Variants in TSPAN14 observed in about 807,000 individuals in gnomAD.
TSPAN14 encodes tetraspanin-14.
Under a neutral mutation model 36.6 loss-of-function variants are expected in TSPAN14, and 16 were observed. That is an observed-to-expected ratio of 0.44 (90% CI 0.30 to 0.66). The LOEUF is 0.66. TSPAN14 is among the 30% of genes least tolerant of loss of function. The probability of loss-of-function intolerance (pLI) is 0.12; values close to 1 mark genes in which losing one functional copy is unlikely to be tolerated. For missense variants in TSPAN14, 231 were observed against 355.1 expected (o/e 0.65, Z 2.81); for synonymous variants, 139 against 143.8 (o/e 0.97, Z 0.24).
chr10:80,518,557 G>A (rs968010720), exon 9 of TSPAN14: 10 of 157,052 alleles, frequency 6.4e-5, no homozygotes, highest in Admixed American at 4.2e-4. Context: ...CCTCAGCCAT[G>A]TTCAAGTGAA....
At chr10:80,467,823 G>T (rs569348337) in intron 1 of TSPAN14, among the ~76,000 whole-genome samples, 1 of 152,158 alleles carries the variant, frequency 6.6e-6, no homozygotes, top group African/African-American at 2.4e-5. Context: ...TCACTGATGA[G>T]TAGTCTTACC....
intron 1 of TSPAN14, among the ~76,000 whole-genome samples, chr10:80,484,417 C>T (rs1054308768): frequency 6.6e-6 from 1 of 152,006 alleles, no homozygotes; most frequent in Non-Finnish European, 1.5e-5. Flanking sequence ...CTGGACCTCC[C>T]AGGCTCAAGC....
At chr10:80,482,874 T>TA (rs1270361044) in intron 1 of TSPAN14, among the ~76,000 whole-genome samples, 2 of 151,796 alleles carry the variant, frequency 1.3e-5, no homozygotes, top group African/African-American at 4.8e-5. Flanking sequence ...TAGCTGGTAT[T>TA]ACAGGCGTGA....
exon 6 of TSPAN14, chr10:80,512,174 G>A (rs1208522374): frequency 6.2e-7 from 1 of 1,614,106 alleles, no homozygotes; most frequent in Non-Finnish European, 8.5e-7. Flanking sequence ...TGGCCCTGAA[G>A]ACTGGGACCT....
At chr10:80,483,223 G>C (rs2131999195) in intron 1 of TSPAN14, among the ~76,000 whole-genome samples, 1 of 152,214 alleles carries the variant, frequency 6.6e-6, no homozygotes, top group East Asian at 1.9e-4. Flanking sequence ...TCCCAGCAGG[G>C]GCACCTCCAA....
intron 1 of TSPAN14, among the ~76,000 whole-genome samples, chr10:80,461,559 G>A: frequency 6.6e-6 from 1 of 152,184 alleles, no homozygotes; most frequent in East Asian, 1.9e-4. Context: ...GGGGTGCTAA[G>A]TGTGTGAGCA....
At chr10:80,460,934 TGA>T (rs1845933941) in intron 1 of TSPAN14, among the ~76,000 whole-genome samples, 1 of 152,204 alleles carries the variant, frequency 6.6e-6, no homozygotes, top group Non-Finnish European at 1.5e-5. Flanking sequence ...CCCATTTGTC[TGA>T]GCTGGGCAGA....
chr10:80,489,396 C>G, intron 2 of TSPAN14, 82 bp downstream of exon 2: 1 of 1,010,110 alleles, frequency 9.9e-7, no homozygotes, highest in Non-Finnish European at 1.5e-6. Flanking sequence ...CTTGATTTGC[C>G]AGACACTATG....
chr10:80,499,395 GGCCCTGCT>G (rs1245625261), intron 2 of TSPAN14, among the ~76,000 whole-genome samples: 1 of 152,194 alleles, frequency 6.6e-6, no homozygotes, highest in Non-Finnish European at 1.5e-5. Flanking sequence ...CCCACAAAGA[GGCCCTGCT>G]GCCTTGTCCA....
chr10:80,479,848 A>G (rs1463755233), intron 1 of TSPAN14, among the ~76,000 whole-genome samples: 2 of 150,480 alleles, frequency 1.3e-5, no homozygotes, highest in Non-Finnish European at 2.9e-5. Flanking sequence ...TGGTAGCTTG[A>G]TGGGGATGGC....
chr10:80,466,553 A>C (rs569871159), intron 1 of TSPAN14: 1 of 152,300 alleles, frequency 6.6e-6, no homozygotes, highest in Non-Finnish European at 1.5e-5. Context: ...GAGCCACAGC[A>C]CCCAGCCCTC....
chr10:80,481,562 T>C (rs746678739), intron 1 of TSPAN14, among the ~76,000 whole-genome samples: 44 of 152,248 alleles, frequency 2.9e-4, no homozygotes, highest in Middle Eastern at 6.8e-3. Flanking sequence ...AGGACAAGCA[T>C]GAGGGGTGGC....
At chr10:80,479,048 G>A (rs1847088409) in intron 1 of TSPAN14, among the ~76,000 whole-genome samples, 1 of 152,146 alleles carries the variant, frequency 6.6e-6, no homozygotes, top group African/African-American at 2.4e-5. Context: ...GCCAGTGATG[G>A]TGAGCATTTT....
Position 80,488,025 on chromosome 10 carries a change from G to A in TSPAN14, c.-17-1192G>A, listed in dbSNP as rs148233620. ...AAGGGGTTTTGCAAGTAGCCACTCC[G>A]TGGAAGCTGGTTTCTCACTGGCGGA... On this transcript the variant is annotated intron_variant, in intron 1 of 8. Coordinates refer to ENST00000429989, the Ensembl canonical transcript of TSPAN14. 7.4e-3 allele frequency among the ~76,000 whole-genome samples: 1,130 copies of A among 152,334 alleles called. 3 individuals carry two copies. Among genetic ancestry groups the A allele is most frequent in the Non-Finnish European group, 0.01 (712 of 68,042 alleles).
intron 8 of TSPAN14, 140 bp from the exon 9 acceptor site, chr10:80,517,765 G>A (rs1374881609): frequency 1.4e-5 from 11 of 784,564 alleles, no homozygotes; most frequent in Non-Finnish European, 2.4e-5. Flanking sequence ...CTCGCTCTGC[G>A]GTGCTGTCTC....
rs1010145514 is a variant in TSPAN14 at position 80,508,406 on chromosome 10, C to T, written c.280-895C>T. Among the ~76,000 whole-genome samples, 7 of 152,310 alleles carry T rather than the reference C, an allele frequency of 4.6e-5. No individual in the cohort carries two copies. The East Asian group carries it at 1.4e-3, about 29-fold the overall frequency. ...GTGCTGGGATTACAGGCGTGAACCA[C>T]CGCGCCCGGCCGTGTGTATGCTTTT... On this transcript the variant is annotated intron_variant, in intron 4 of 8. Coordinates refer to ENST00000429989, the Ensembl canonical transcript of TSPAN14.
At chr10:80,516,654 A>G (rs1371652496) in intron 8 of TSPAN14, among the ~76,000 whole-genome samples, 1 of 152,174 alleles carries the variant, frequency 6.6e-6, no homozygotes, top group Non-Finnish European at 1.5e-5. Flanking sequence ...ATCTGGAGGT[A>G]GGTCAGGAGT....
rs1038374620 is a variant in TSPAN14, at chr10:80,497,863, T to G, written c.82-6865T>G. Reference sequence around the variant, plus strand: ...GGCTCTGCTGGGAGGGCACATGTGTTGCCTTTTCTCAGAACCACCCTTCCG... The same window carrying G: ...GGCTCTGCTGGGAGGGCACATGTGTGGCCTTTTCTCAGAACCACCCTTCCG... On this transcript the variant is annotated intron_variant, in intron 2 of 8. Transcript: ENST00000429989. Among the ~76,000 whole-genome samples the G allele has an allele frequency of 2.6e-5, 4 of 152,314 alleles. No homozygotes were observed. The East Asian group carries it at 5.8e-4, about 22-fold the overall frequency.
At chr10:80,481,719 G>A (rs1222418780) in intron 1 of TSPAN14, among the ~76,000 whole-genome samples, 1 of 152,190 alleles carries the variant, frequency 6.6e-6, no homozygotes, top group East Asian at 1.9e-4. Flanking sequence ...TCCGCCTCCT[G>A]GGTTCAAGCG....
Sources: allele counts gnomAD v4.1 joint callset (sites outside exome capture counted in the v4.1 genomes callset), GRCh38; gene constraint gnomAD v4.1.1; transcripts MANE v1.5; gene names NCBI Gene and HGNC (gene_info 2026-07-23, HGNC 2026-07-21).